CLYBL: variants seen among roughly 807,000 people sequenced by gnomAD.
The protein encoded by CLYBL is citramalyl-CoA lyase, also known as citramalyl-CoA lyase, mitochondrial.
In CLYBL, 31 loss-of-function variants were observed where a neutral mutation model predicts 38.9. The ratio of observed to expected loss-of-function variants is 0.80; its 90% CI spans 0.60 to 1.08. CLYBL has a LOEUF of 1.08. Among genes scored for constraint, CLYBL ranks in the 50% least tolerant of loss-of-function variants. CLYBL has a pLI of 0.00. For synonymous variants in CLYBL, 171 were observed against 158.6 expected, an observed-to-expected ratio of 1.08 and a Z score of -0.59; for missense variants, 434 against 411.6, an observed-to-expected ratio of 1.05 and a Z score of -0.47.
chr13:99,653,024 G>A (rs1011392725), intron 1 of CLYBL, among the ~76,000 whole-genome samples: 1 of 152,184 alleles, frequency 6.6e-6, no homozygotes, highest in African/African-American at 2.4e-5. Context: ...CACGTGTGTG[G>A]TAGCAGGGCA....
intron 1 of CLYBL, among the ~76,000 whole-genome samples, chr13:99,669,241 A>T (rs2047529442): frequency 6.6e-6 from 1 of 151,986 alleles, no homozygotes; most frequent in African/African-American, 2.4e-5. Flanking sequence ...CAACCTCATG[A>T]TCTGCCCGCC....
chr13:99,752,096 C>T (rs1008766457), intron 1 of CLYBL, among the ~76,000 whole-genome samples: 2 of 152,148 alleles, frequency 1.3e-5, no homozygotes, highest in Admixed American at 6.5e-5. Context: ...CAGAGGGCCA[C>T]GGATGGGAGA....
chr13:99,615,425 A>T lies in CLYBL; in HGVS notation c.62+8668A>T, dbSNP rs2046693888. Among the ~76,000 whole-genome samples the T allele has an allele frequency of 3.3e-5, 5 of 152,314 alleles. 1 individual carries two copies. In the South Asian group the frequency reaches 1.0e-3, roughly 32 times the overall value. On this transcript the variant is annotated intron_variant, in intron 1 of 8. Transcript: ENST00000339105. ...AGGAGCTATTAGTACGTTTAATTAA[A>T]TTTTTTAACATATAAAAAGTTGTTA...
chr13:99,714,176 G>T lies in CLYBL; in HGVS notation c.63-58648G>T, dbSNP rs376581567. On this transcript the variant is annotated intron_variant, in intron 1 of 8. Coordinates refer to ENST00000339105, the MANE Select transcript of CLYBL (RefSeq NM_206808.5). ...ATGTATTATAATATCTTATTTCTCT[G>T]TTTGTTCTGTTTTTTGCTCTGTTCT... is the stretch of plus-strand genomic sequence containing the variant. Among the ~76,000 whole-genome samples the T allele has an allele frequency of 4.6e-5, 7 of 152,180 alleles. 1 individual carries two copies. In the South Asian group the frequency reaches 1.5e-3, roughly 32 times the overall value.
downstream of CLYBL, chr13:99,896,527 G>A (rs762689525): frequency 1.8e-3 from 277 of 152,264 alleles, no homozygotes; most frequent in Middle Eastern, 3.4e-3. Context: ...GAGGGGCCCC[G>A]CAGGCTCCCG....
At chr13:99,718,227 G>T (rs1343030515) in intron 1 of CLYBL, among the ~76,000 whole-genome samples, 1 of 151,994 alleles carries the variant, frequency 6.6e-6, no homozygotes, top group Non-Finnish European at 1.5e-5. Context: ...GATAAGTAGG[G>T]GTCACTTAGG....
At chr13:99,785,741 G>A (rs1156471957) in intron 2 of CLYBL, among the ~76,000 whole-genome samples, 1 of 151,790 alleles carries the variant, frequency 6.6e-6, no homozygotes, top group African/African-American at 2.4e-5. Context: ...GATTATAGGC[G>A]CCCAGCACCA....
At chr13:99,703,379 GT>G (rs148176963) in intron 1 of CLYBL, among the ~76,000 whole-genome samples, 3,730 of 151,020 alleles carry the variant, frequency 0.025, 74 homozygotes, top group Middle Eastern at 0.092. Context: ...TGTTTGCTTG[GT>G]TTTTTTTTGA....
chr13:99,746,065 T>G (rs2048845869), intron 1 of CLYBL, among the ~76,000 whole-genome samples: 1 of 151,760 alleles, frequency 6.6e-6, no homozygotes, highest in Non-Finnish European at 1.5e-5. Context: ...GGAAGAACTA[T>G]TTTCTCAAAA....
At chr13:99,753,067 G>T (rs2048986911) in intron 1 of CLYBL, among the ~76,000 whole-genome samples, 1 of 152,082 alleles carries the variant, frequency 6.6e-6, no homozygotes, top group Admixed American at 6.6e-5. Context: ...GGGATGAGAG[G>T]GTGGCAGACA....
chr13:99,686,259 C>G (rs1041397290), intron 1 of CLYBL, among the ~76,000 whole-genome samples: 2 of 152,180 alleles, frequency 1.3e-5, no homozygotes, highest in Non-Finnish European at 2.9e-5. Context: ...TATAGCTGCT[C>G]CATTTGGACT....
chr13:99,676,816 G>C (rs2047659954), intron 1 of CLYBL, among the ~76,000 whole-genome samples: 1 of 150,912 alleles, frequency 6.6e-6, no homozygotes, highest in Non-Finnish European at 1.5e-5. Flanking sequence ...TGTTGGTCAG[G>C]CTGGTCTCGA....
intron 2 of CLYBL, among the ~76,000 whole-genome samples, chr13:99,786,736 T>C (rs906962378): frequency 7.4e-5 from 11 of 147,732 alleles, no homozygotes; most frequent in African/African-American, 2.7e-4. Flanking sequence ...ATGGGATGGC[T>C]GGGTCAAATG....
At chr13:99,806,061 T>C (rs780831565) in intron 2 of CLYBL, among the ~76,000 whole-genome samples, 1 of 152,214 alleles carries the variant, frequency 6.6e-6, no homozygotes, top group Non-Finnish European at 1.5e-5. Flanking sequence ...TATAACAAGA[T>C]TTTATAATTT....
intron 1 of CLYBL, among the ~76,000 whole-genome samples, chr13:99,666,465 C>G (rs1468548995): frequency 2.6e-5 from 4 of 152,148 alleles, no homozygotes; most frequent in African/African-American, 9.7e-5. Flanking sequence ...CTGTTCTGCA[C>G]CACAACTCTC....
chr13:99,702,632 CA>C (rs60185334), intron 1 of CLYBL, among the ~76,000 whole-genome samples: 9,748 of 68,380 alleles, frequency 0.14, 296 homozygotes, highest in Admixed American at 0.18. Flanking sequence ...AATTCCGTCT[CA>C]AAAAAAAAAA....
chr13:99,698,846 T>C (rs1414827357), intron 1 of CLYBL, among the ~76,000 whole-genome samples: 2 of 152,236 alleles, frequency 1.3e-5, no homozygotes, highest in Non-Finnish European at 2.9e-5. Context: ...ATTATTACTG[T>C]GTGTCAGCAT....
intron 2 of CLYBL, among the ~76,000 whole-genome samples, chr13:99,832,870 A>G (rs2139081141): frequency 6.6e-6 from 1 of 151,248 alleles, no homozygotes; most frequent in South Asian, 2.1e-4. Flanking sequence ...AGGGGAGAGA[A>G]GGAAGAAAAG....
intron 2 of CLYBL, among the ~76,000 whole-genome samples, chr13:99,842,683 G>C (rs1272653277): frequency 6.6e-6 from 1 of 150,952 alleles, no homozygotes; most frequent in Non-Finnish European, 1.5e-5. Context: ...CACAGGAAAT[G>C]GGAGTTTAAA....
Sources: allele counts gnomAD v4.1 joint callset (sites outside exome capture counted in the v4.1 genomes callset), GRCh38; gene constraint gnomAD v4.1.1; transcripts MANE v1.5; gene names NCBI Gene and HGNC (gene_info 2026-07-23, HGNC 2026-07-21).